PLIN5: variants seen among roughly 807,000 people sequenced by gnomAD.
The protein encoded by PLIN5 is perilipin-5.
Under a neutral mutation model 32.8 loss-of-function variants are expected in PLIN5, and 34 were observed. That is an observed-to-expected ratio of 1.04 (90% CI 0.79 to 1.38). PLIN5 has a LOEUF of 1.38. Ranked by LOEUF, PLIN5 falls within the 40% of genes most tolerant of loss-of-function variation. The pLI, the probability that PLIN5 is intolerant of heterozygous loss-of-function variation, is 0.00. For synonymous variants in PLIN5, 309 were observed against 292.9 expected, an observed-to-expected ratio of 1.05 and a Z score of -0.56; for missense variants, 712 against 660.5, an observed-to-expected ratio of 1.08 and a Z score of -0.85.
intron 3 of PLIN5, among the ~76,000 whole-genome samples, chr19:4,530,659 G>A (rs564697321): frequency 6.6e-6 from 1 of 152,116 alleles, no homozygotes; most frequent in Non-Finnish European, 1.5e-5. Flanking sequence ...TAAGGGCAGA[G>A]GGCCAGGGGA....
rs1976919776 is a variant in PLIN5 at position 4,534,094 on chromosome 19, C to T, written c.-20G>A. 1.2e-6 allele frequency: 2 copies of T among 1,607,570 alleles called. No individual in the cohort carries two copies. Among genetic ancestry groups the T allele is most frequent in the African/African-American group, 1.3e-5 (1 of 74,718 alleles). On this transcript the variant is annotated splice_region_variant and 5_prime_UTR_variant, in exon 2 of 8. The change creates a new upstream start codon in the 5' untranslated region. Coordinates refer to ENST00000381848, the MANE Select transcript of PLIN5 (RefSeq NM_001013706.3). ...AGACATCGTGCTGCAAACAGGGTCA[C>T]CCTGCGGGGCAGGATTGAGTAAGGG...
In PLIN5 at chr19:4,524,964, T is replaced by G; in HGVS notation, c.833A>C (p.Gln278Pro). 6.5e-7 allele frequency: 1 copy of G among 1,532,602 alleles called. No individual in the cohort carries two copies. Among genetic ancestry groups the G allele is most frequent in the South Asian group, 1.2e-5 (1 of 83,048 alleles). 94.9% of individuals were successfully genotyped at this position (1,532,602 alleles called of 1,614,324 possible). Residue 278 changes from glutamine to proline, a missense_variant and splice_region_variant, in exon 7 of 8, where the codon CAG becomes CCG. By Grantham distance (76) the Gln-to-Pro change is moderately conservative (BLOSUM62 -1). Transcript: ENST00000381848. Reference sequence around the variant, plus strand: ...CACCTGGCACTCCTGCGGTCTCACCTGGCTCCGGCGGCGGCTCTCCGGAGG... The same window carrying G: ...CACCTGGCACTCCTGCGGTCTCACCGGGCTCCGGCGGCGGCTCTCCGGAGG... ...QRPPESRRRS[Q>P]AELETLVLSR... is the part of the protein sequence containing the mutation.
intron 4 of PLIN5, 27 bp from the exon 5 acceptor site, chr19:4,529,280 G>A: frequency 6.4e-7 from 1 of 1,568,024 alleles, no homozygotes; most frequent in Non-Finnish European, 8.7e-7. Flanking sequence ...CCCCACTCCA[G>A]GCACCGTGGG....
intron 2 of PLIN5, among the ~76,000 whole-genome samples, 189 bp from the exon 3 acceptor site, chr19:4,532,011 G>A (rs1241949744): frequency 6.6e-6 from 1 of 152,240 alleles, no homozygotes; most frequent in African/African-American, 2.4e-5. Context: ...TGCACTCACA[G>A]GCTCCTCTTC....
In PLIN5 at chr19:4,523,988, C is replaced by T; in HGVS notation, c.932G>A (p.Gly311Asp). Residue 311 changes from glycine to aspartate, a missense_variant, in exon 8 of 8, where the codon GGC (glycine) becomes GAC (aspartate). Transcript: ENST00000381848. The surrounding 1 kb of genome is among the most constrained non-coding windows in gnomAD (Gnocchi z 5.0). Reference sequence around the variant, plus strand: ...CACCTCAGCCACCTTCTCCTGGGCGCCGGCGGGCAGGCCCCGCACGCTGGA... The same window carrying T: ...CACCTCAGCCACCTTCTCCTGGGCGTCGGCGGGCAGGCCCCGCACGCTGGA... The part of the protein sequence containing the change: ...LESSVRGLPA[G>D]AQEKVAEVRR... The T allele has an allele frequency of 6.6e-7, 1 of 1,525,222 alleles. No homozygotes were observed. Among genetic ancestry groups the T allele is most frequent in the Middle Eastern group, 1.8e-4 (1 of 5,622 alleles). The allele number at this position is 1,525,222 out of a possible 1,614,324, so 94.5% of individuals were successfully genotyped here. A position where few individuals can be genotyped will look rare whatever the true frequency, so the allele number is the denominator to read the frequency against.
chr19:4,523,286 G>A lies in PLIN5; in HGVS notation c.*242C>T, dbSNP rs1253231491. On this transcript the variant is annotated 3_prime_UTR_variant, in exon 8 of 8. Transcript: ENST00000381848. This position sits in a 1 kb window ranked among gnomAD's most constrained non-coding sequence, Gnocchi z 5.0. ...GAGCAGGACATAGGTGAAGAACCCAGCTTGTGGCTCAAGTTGGCCTGAATA... is the reference window on the plus strand; with the variant it reads ...GAGCAGGACATAGGTGAAGAACCCAACTTGTGGCTCAAGTTGGCCTGAATA... 1 of 452,980 alleles carries A rather than the reference G, an allele frequency of 2.2e-6. No homozygotes were observed. 28.1% of individuals were successfully genotyped at this position (452,980 alleles called of 1,614,324 possible). A position where few individuals can be genotyped will look rare whatever the true frequency, so the allele number is the denominator to read the frequency against.
intron 5 of PLIN5, among the ~76,000 whole-genome samples, chr19:4,527,354 A>G (rs1369581461): frequency 4.0e-5 from 6 of 150,690 alleles, no homozygotes; most frequent in East Asian, 2.0e-4. Context: ...TTACAGGCGT[A>G]AGCCACCGCG....
chr19:4,534,434 G>A lies in PLIN5; in HGVS notation c.-21-339C>T, dbSNP rs554433039. Among the ~76,000 whole-genome samples the A allele has an allele frequency of 4.1e-4, 62 of 152,222 alleles. 1 individual carries two copies. The highest frequency in any genetic ancestry group is 1.4e-3 in the African/African-American group (59 of 41,522). On this transcript the variant is annotated intron_variant, in intron 1 of 7. Transcript: ENST00000381848. ...CTCGCCCAGGCTGGAGAGCAGTGGC[G>A]CCATCCCAGCTCACTGCAATTTCCG...
chr19:4,523,924 A>G lies in PLIN5; in HGVS notation c.996T>C (p.Asp332=), dbSNP rs1053775922. The G allele has an allele frequency of 3.3e-6, 5 of 1,528,832 alleles. No homozygotes were observed. Among genetic ancestry groups the G allele is most frequent in the Non-Finnish European group, 4.4e-6 (5 of 1,146,538 alleles). 94.7% of individuals were successfully genotyped at this position (1,528,832 alleles called of 1,614,324 possible). Residue 332 remains aspartate, a synonymous_variant, in exon 8 of 8, where the codon GAT becomes GAC. Coordinates refer to ENST00000381848, the MANE Select transcript of PLIN5 (RefSeq NM_001013706.3). This position sits in a 1 kb window ranked among gnomAD's most constrained non-coding sequence, Gnocchi z 5.0. ...CTGGCACGTCCCTGAAGCAGCGGGC[A>G]TCAGCGAAGGCGGTCTGCAGGGCAT... ...SVDALQTAFA[D]ARCFRDVPAA...
At chr19:4,527,177 G>A (rs1197885516) in intron 5 of PLIN5, among the ~76,000 whole-genome samples, 1 of 151,830 alleles carries the variant, frequency 6.6e-6, no homozygotes, top group African/African-American at 2.4e-5. Context: ...CCAGGTTCAC[G>A]CCATTCTCCC....
In PLIN5 at chr19:4,525,137, G is replaced by T; in HGVS notation, c.721-61C>A. 1 of 872,086 alleles carries T rather than the reference G, an allele frequency of 1.1e-6. No homozygotes were observed. The highest frequency in any genetic ancestry group is 1.7e-6 in the Non-Finnish European group (1 of 600,290). The allele number at this position is 872,086 out of a possible 1,614,324, so 54.0% of individuals were successfully genotyped here. Reference sequence around the variant, plus strand: ...GGAGCTGGGGGAGCTGGGGGTCGGGGTGGGGTCCAGGACCACTGATCTGGC... The same window carrying T: ...GGAGCTGGGGGAGCTGGGGGTCGGGTTGGGGTCCAGGACCACTGATCTGGC... On this transcript the variant is annotated intron_variant, in intron 6 of 7. Coordinates refer to ENST00000381848, the MANE Select transcript of PLIN5 (RefSeq NM_001013706.3). This position sits in a 1 kb window ranked among gnomAD's most constrained non-coding sequence, Gnocchi z 5.6.
intron 3 of PLIN5, among the ~76,000 whole-genome samples, chr19:4,531,006 C>CT (rs1205645710): frequency 1.0e-3 from 142 of 135,902 alleles, no homozygotes; most frequent in East Asian, 4.4e-3. Flanking sequence ...TTTGTTTTTG[C>CT]TTTTTTTTTT....
rs1976790263 is a variant in PLIN5 at position 4,525,608 on chromosome 19, G to A, written c.720+25C>T. 2 of 1,609,634 alleles carry A rather than the reference G, an allele frequency of 1.2e-6. No homozygotes were observed. Among genetic ancestry groups the A allele is most frequent in the Admixed American group, 1.7e-5 (1 of 59,984 alleles). ...CATACTGATTGGCCTGCATCCCGGA[G>A]CAGGGGCGGGCAGCGGGCTCTCACC... On this transcript the variant is annotated intron_variant, in intron 6 of 7. Transcript: ENST00000381848. The surrounding 1 kb of genome is among the most constrained non-coding windows in gnomAD (Gnocchi z 5.6).
Position 4,523,576 on chromosome 19 carries a change from G to A in PLIN5, c.1344C>T (p.Thr448=). The A allele has an allele frequency of 3.1e-6, 5 of 1,600,228 alleles. No homozygotes were observed. Among genetic ancestry groups the A allele is most frequent in the Non-Finnish European group, 4.3e-6 (5 of 1,172,776 alleles). ...GGGTGTGCTTGACCGGGCAGCTGGG[G>A]GTCTCGGGTTCCTGCTCGCAGATGT... The part of the protein sequence containing the change: ...AGDICEQEPE[T]PSCPVKHTLM... Residue 448 remains threonine, a synonymous_variant, in exon 8 of 8, where the codon ACC becomes ACT. Coordinates refer to ENST00000381848, the MANE Select transcript of PLIN5 (RefSeq NM_001013706.3). The surrounding 1 kb of genome is among the most constrained non-coding windows in gnomAD (Gnocchi z 5.0).
intron 5 of PLIN5, among the ~76,000 whole-genome samples, chr19:4,527,524 G>C (rs1272784327): frequency 2.5e-5 from 3 of 119,890 alleles, no homozygotes; most frequent in South Asian, 3.2e-4. Context: ...GGGCGACAGA[G>C]TGAGACTCCA....
In PLIN5 at chr19:4,525,092, T is replaced by A; in HGVS notation, c.721-16A>T. The A allele has an allele frequency of 9.7e-7, 1 of 1,035,216 alleles. No individual in the cohort carries two copies. The allele number at this position is 1,035,216 out of a possible 1,614,324, so 64.1% of individuals were successfully genotyped here. A position where few individuals can be genotyped will look rare whatever the true frequency, so the allele number is the denominator to read the frequency against. ...TGTGGTCTATCTGCAAGGACAGAAA[T>A]GGTGGTCTTCAGAGCTGGGGGAGCT... On this transcript the variant is annotated splice_polypyrimidine_tract_variant and intron_variant, in intron 6 of 7. Transcript: ENST00000381848. This position sits in a 1 kb window ranked among gnomAD's most constrained non-coding sequence, Gnocchi z 5.6.
chr19:4,529,790 C>T lies in PLIN5; in HGVS notation c.333G>A (p.Ser111=), dbSNP rs367964761. 54 of 1,611,694 alleles carry T rather than the reference C, an allele frequency of 3.4e-5. No individual in the cohort carries two copies. In the African/African-American group the frequency reaches 5.7e-4, roughly 17 times the overall value. ...EEKLPFLQQP[S]ETVVTSAKDV... ...GTCTAGTCGTCCGGGGTACCGTCTC[C>T]GAAGGTTGCTGGAGAAAGGGAAGCT... Residue 111 remains serine (S), a synonymous_variant, in exon 4 of 8, where the codon TCG becomes TCA. Coordinates refer to ENST00000381848, the MANE Select transcript of PLIN5 (RefSeq NM_001013706.3).
chr19:4,534,157 C>T (rs1976920728), intron 1 of PLIN5, 62 bp from the exon 2 acceptor site: 1 of 1,454,330 alleles, frequency 6.9e-7, no homozygotes, highest in Non-Finnish European at 9.4e-7. Context: ...TCAAATTGGG[C>T]TCTGTGACTT....
rs201650665 is a variant in PLIN5, at chr19:4,523,742, G to C, written c.1178C>G (p.Ala393Gly). ...CCCGATGACCTCGTCCACCAGGTCC[G>C]CCAGGTCGGGCAGGGGCTCGGGTCG... is the stretch of plus-strand genomic sequence containing the variant. ...VERPEPLPDL[A>G]DLVDEVIGGP... The change falls in exon 8 of 8, where the codon GCG (alanine) becomes GGG (glycine). Residue 393 changes from alanine (A) to glycine (G), a missense_variant. Coordinates refer to ENST00000381848, the MANE Select transcript of PLIN5 (RefSeq NM_001013706.3). The surrounding 1 kb of genome is among the most constrained non-coding windows in gnomAD (Gnocchi z 5.0). 1.2e-6 allele frequency: 2 copies of C among 1,600,268 alleles called. No homozygotes were observed. The highest frequency in any genetic ancestry group is 1.7e-6 in the Non-Finnish European group (2 of 1,179,214).
Sources: allele counts gnomAD v4.1 joint callset (sites outside exome capture counted in the v4.1 genomes callset), GRCh38; gene constraint gnomAD v4.1.1; non-coding constraint Gnocchi (gnomAD v3.1); transcripts MANE v1.5; gene names NCBI Gene and HGNC (gene_info 2026-07-23, HGNC 2026-07-21).